TMEM232: variants seen among roughly 807,000 people sequenced by gnomAD.
TMEM232 encodes the protein transmembrane protein 232.
A neutral mutation model predicts 78.8 loss-of-function variants in TMEM232; 80 were observed. That is an observed-to-expected ratio of 1.01 (90% CI 0.85 to 1.22). The LOEUF (loss-of-function observed/expected upper bound fraction) is 1.22, where lower values mean the gene tolerates loss of function less well. TMEM232 is among the 50% of genes most tolerant of loss of function. The pLI is 0.00. For synonymous variants in TMEM232, 297 were observed against 254.3 expected (o/e 1.17, Z -1.60); for missense variants, 881 against 742.2 (o/e 1.19, Z -2.17).
Position 110,605,289 on chromosome 5 carries a change from C to T in TMEM232, c.1096G>A (p.Ala366Thr). Residue 366 changes from alanine to threonine, a missense_variant, in exon 10 of 14, where the codon GCA becomes ACA. By Grantham distance (58) the Ala-to-Thr change is moderately conservative (BLOSUM62 0). Coordinates refer to ENST00000455884, the MANE Select transcript of TMEM232 (RefSeq NM_001039763.4). Reference protein sequence around the residue: ...NVVYIYTVILAEICLYAATSD... With the variant: ...NVVYIYTVILTEICLYAATSD... Reference sequence around the variant, plus strand: ...GTGGCTGCATACAAGCAGATTTCTGCAAGAATTACTGTATATATGTAGACT... The same window carrying T: ...GTGGCTGCATACAAGCAGATTTCTGTAAGAATTACTGTATATATGTAGACT... The T allele has an allele frequency of 6.4e-7, 1 of 1,551,328 alleles. No individual in the cohort carries two copies. Among genetic ancestry groups the T allele is most frequent in the African/African-American group, 1.4e-5 (1 of 73,144 alleles).
At chr5:110,719,725 G>A (rs1052212326) in intron 1 of TMEM232, among the ~76,000 whole-genome samples, 7 of 152,078 alleles carry the variant, frequency 4.6e-5, no homozygotes, top group African/African-American at 1.7e-4. Context: ...ACTCTTCAGA[G>A]GGTACAGCCT....
chr5:110,422,548 A>AAAAT (rs1756777412), intron 13 of TMEM232, among the ~76,000 whole-genome samples: 1 of 144,926 alleles, frequency 6.9e-6, no homozygotes, highest in East Asian at 2.0e-4. Flanking sequence ...AAAAAAAAAA[A>AAAAT]TTGTGAAAAA....
At chr5:110,691,337 A>G (rs989859530) in intron 1 of TMEM232, among the ~76,000 whole-genome samples, 1 of 152,216 alleles carries the variant, frequency 6.6e-6, no homozygotes, top group Admixed American at 6.5e-5. Context: ...AAATATTTCA[A>G]ATCTCCTTTA....
chr5:110,620,615 CTCTCTCTCTCTCTCTCT>C (rs1783541524), intron 7 of TMEM232, among the ~76,000 whole-genome samples: 5 of 136,182 alleles, frequency 3.7e-5, no homozygotes, highest in African/African-American at 9.3e-5. Context: ...CTCTCTCTCT[CTCTCTCTCTCTCTCTCT>C]CTCTCTCCTC....
At chr5:110,498,899 A>C (rs978239051) in intron 12 of TMEM232, among the ~76,000 whole-genome samples, 5 of 152,204 alleles carry the variant, frequency 3.3e-5, no homozygotes, top group African/African-American at 1.2e-4. Flanking sequence ...CAAAAATTAA[A>C]TTGCTAGCTA....
chr5:110,662,642 T>C lies in TMEM232; in HGVS notation c.125+4586A>G, dbSNP rs186758793. Among the ~76,000 whole-genome samples the C allele has an allele frequency of 4.0e-4, 61 of 152,164 alleles. 1 individual carries two copies. The highest frequency in any genetic ancestry group is 7.4e-4 in the Non-Finnish European group (50 of 67,966). On this transcript the variant is annotated intron_variant, in intron 2 of 13. Transcript: ENST00000455884. ...TGGCGTTGGTGTGGAATTAGACAAA[T>C]GGGCCAGTGAAGCAGACTATAGAGC...
intron 11 of TMEM232, among the ~76,000 whole-genome samples, chr5:110,542,606 C>T (rs73783628): frequency 0.039 from 5,917 of 152,052 alleles, 180 homozygotes; most frequent in African/African-American, 0.081. Context: ...GAAAGACCAT[C>T]GGTCCTTCTG....
At chr5:110,540,629 G>C (rs145979373) in intron 11 of TMEM232, among the ~76,000 whole-genome samples, 5 of 152,182 alleles carry the variant, frequency 3.3e-5, no homozygotes, top group African/African-American at 9.7e-5. Flanking sequence ...GTAGTTTCAT[G>C]TCAAATAGGG....
At chr5:110,576,823 G>T (rs1166816404) in intron 10 of TMEM232, among the ~76,000 whole-genome samples, 1 of 152,030 alleles carries the variant, frequency 6.6e-6, no homozygotes, top group Non-Finnish European at 1.5e-5. Flanking sequence ...GAGATAACTG[G>T]CTAGCCACAT....
At chr5:110,645,513 T>C (rs1424924160) in intron 2 of TMEM232, among the ~76,000 whole-genome samples, 1 of 150,386 alleles carries the variant, frequency 6.6e-6, no homozygotes, top group African/African-American at 2.4e-5. Context: ...AAGTTTAACT[T>C]CCATTCATGA....
At chr5:110,548,904 T>C (rs1029599906) in intron 11 of TMEM232, among the ~76,000 whole-genome samples, 8 of 152,102 alleles carry the variant, frequency 5.3e-5, no homozygotes, top group Middle Eastern at 4.0e-3. Flanking sequence ...TCATAATGAT[T>C]ATAAAGTGTA....
rs192716871 is a variant in TMEM232 at position 110,508,269 on chromosome 5, T to C, written c.1703+20319A>G. Among the ~76,000 whole-genome samples, 72 of 152,146 alleles carry C rather than the reference T, an allele frequency of 4.7e-4. 2 individuals are homozygous for C. In the East Asian group the frequency reaches 0.013, roughly 27 times the overall value. On this transcript the variant is annotated intron_variant, in intron 12 of 13. Transcript: ENST00000455884. ...ATATATTGCACTGACAGAGTTGGCA[T>C]TGAAAGTGGAAGCTGTTCAGAATGA...
At chr5:110,643,494 A>C (rs928689808) in intron 2 of TMEM232, among the ~76,000 whole-genome samples, 12 of 152,074 alleles carry the variant, frequency 7.9e-5, no homozygotes, top group African/African-American at 2.9e-4. Context: ...TGTATGCAAG[A>C]GAACAAGTGA....
intron 1 of TMEM232, among the ~76,000 whole-genome samples, chr5:110,702,876 A>G (rs1795569511): frequency 6.6e-6 from 1 of 152,082 alleles, no homozygotes. Flanking sequence ...CAAATGGCTA[A>G]TATTTACACT....
Position 110,618,416 on chromosome 5 carries a change from G to A in TMEM232, c.902+13C>T. 6.5e-7 allele frequency: 1 copy of A among 1,548,670 alleles called. No homozygotes were observed. The highest frequency in any genetic ancestry group is 8.7e-7 in the Non-Finnish European group (1 of 1,146,130). ...CTCCATGAGTTACTTTGGATTTATA[G>A]GATCACTCTTACCAGCATTTCTTTT... On this transcript the variant is annotated intron_variant, in intron 8 of 13. Coordinates refer to ENST00000455884, the MANE Select transcript of TMEM232 (RefSeq NM_001039763.4).
At chr5:110,571,686 TG>T (rs1474746161) in intron 10 of TMEM232, among the ~76,000 whole-genome samples, 1 of 145,648 alleles carries the variant, frequency 6.9e-6, no homozygotes, top group Non-Finnish European at 1.5e-5. Flanking sequence ...TTGTTTGTTT[TG>T]TTTTTTTGTT....
chr5:110,719,884 T>C (rs914043789), intron 1 of TMEM232, among the ~76,000 whole-genome samples: 3 of 152,062 alleles, frequency 2.0e-5, no homozygotes, highest in Non-Finnish European at 2.9e-5. Context: ...AATTACTCTA[T>C]TGTTTTAAAA....
At position 110,511,491 on chromosome 5, in the gene TMEM232, C is replaced by A. The variant is rs1179467860; in HGVS notation, c.1703+17097G>T. The stretch of plus-strand genomic sequence containing the variant: ...ATGATATTAAGTAATAATTATTATA[C>A]CAACTTATAATACTACATTAATATA... On this transcript the variant is annotated intron_variant, in intron 12 of 13. Coordinates refer to ENST00000455884, the MANE Select transcript of TMEM232 (RefSeq NM_001039763.4). Among the ~76,000 whole-genome samples the A allele has an allele frequency of 6.0e-5, 9 of 150,648 alleles. No individual in the cohort carries two copies. In the East Asian group the frequency reaches 1.2e-3, roughly 20 times the overall value.
chr5:110,732,618 A>G (rs1798786559), intron 2 of TMEM232, among the ~76,000 whole-genome samples: 1 of 152,310 alleles, frequency 6.6e-6, no homozygotes, highest in South Asian at 2.1e-4. Flanking sequence ...ATAGCATGGG[A>G]ACGACCAGCT....
Sources: allele counts gnomAD v4.1 joint callset (sites outside exome capture counted in the v4.1 genomes callset), GRCh38; gene constraint gnomAD v4.1.1; transcripts MANE v1.5; gene names NCBI Gene and HGNC (gene_info 2026-07-23, HGNC 2026-07-21).